Variants in PTPRA observed in about 807,000 individuals in gnomAD.
PTPRA encodes receptor-type tyrosine-protein phosphatase alpha.
A neutral mutation model predicts 104.8 loss-of-function variants in PTPRA; 25 were observed. The observed-to-expected ratio is 0.24, with a 90% CI of 0.17 to 0.33. PTPRA has a LOEUF of 0.33. PTPRA is among the 10% of genes least tolerant of loss of function. The pLI, the probability that PTPRA is intolerant of heterozygous loss-of-function variation, is 1.00. For synonymous variants in PTPRA, 323 were observed against 368.9 expected, an observed-to-expected ratio of 0.88 and a Z score of 1.43; for missense variants, 765 against 1,015.3, an observed-to-expected ratio of 0.75 and a Z score of 3.35.
chr20:2,871,839 AGT>A (rs1328315090), upstream of PTPRA, among the ~76,000 whole-genome samples: 2 of 152,094 alleles, frequency 1.3e-5, no homozygotes, highest in African/African-American at 4.8e-5. Context: ...TTTGGGCTGG[AGT>A]GTCTATTGGT....
intron 1 of PTPRA, among the ~76,000 whole-genome samples, chr20:2,883,730 T>C (rs2090206396): frequency 6.6e-6 from 1 of 151,602 alleles, no homozygotes; most frequent in Admixed American, 6.6e-5. Context: ...TTTTTTTACA[T>C]GTAATCATTA....
At chr20:2,935,684 A>G (rs561736508) in intron 2 of PTPRA, among the ~76,000 whole-genome samples, 1 of 152,172 alleles carries the variant, frequency 6.6e-6, no homozygotes, top group African/African-American at 2.4e-5. Context: ...CTTCGCTACT[A>G]CAGGCACATG....
At chr20:3,007,094 C>CT (rs2063911695) in intron 10 of PTPRA, among the ~76,000 whole-genome samples, 1 of 152,134 alleles carries the variant, frequency 6.6e-6, no homozygotes, top group African/African-American at 2.4e-5. Context: ...AAGAAACTTT[C>CT]TTTTTTCTCA....
intron 2 of PTPRA, among the ~76,000 whole-genome samples, chr20:2,924,992 C>T (rs1600120549): frequency 6.6e-6 from 1 of 152,076 alleles, no homozygotes; most frequent in Admixed American, 6.6e-5. Context: ...AAAGGTTTTA[C>T]ATCTTAATGT....
intron 2 of PTPRA, among the ~76,000 whole-genome samples, chr20:2,941,443 C>T (rs1012848059): frequency 3.3e-5 from 5 of 152,216 alleles, no homozygotes; most frequent in African/African-American, 4.8e-5. Context: ...TATTATCACA[C>T]CCTGTGCAGT....
intron 6 of PTPRA, among the ~76,000 whole-genome samples, chr20:2,983,016 T>C (rs2062753098): frequency 6.6e-6 from 1 of 152,124 alleles, no homozygotes; most frequent in Non-Finnish European, 1.5e-5. Context: ...TAAAATGAAG[T>C]ACACACTGTG....
chr20:2,931,976 C>T (rs190421898), intron 2 of PTPRA, among the ~76,000 whole-genome samples: 82 of 152,260 alleles, frequency 5.4e-4, no homozygotes, highest in Admixed American at 3.1e-3. Flanking sequence ...ATGAACACAT[C>T]AACTTGAGAA....
chr20:2,921,728 A>C (rs554116781), intron 1 of PTPRA, among the ~76,000 whole-genome samples: 36 of 152,200 alleles, frequency 2.4e-4, no homozygotes, highest in African/African-American at 8.7e-4. Flanking sequence ...AATGCCTGTG[A>C]AGAAAAGGGG....
chr20:2,998,954 TTAA>T (rs1448758435), intron 9 of PTPRA, among the ~76,000 whole-genome samples: 9 of 136,996 alleles, frequency 6.6e-5, no homozygotes, highest in African/African-American at 1.7e-4. Context: ...ATATTTATAA[TTAA>T]TAAATATGAC....
intron 5 of PTPRA, among the ~76,000 whole-genome samples, chr20:2,966,279 T>C (rs1180159156): frequency 6.6e-6 from 1 of 152,208 alleles, no homozygotes; most frequent in Non-Finnish European, 1.5e-5. Flanking sequence ...ACCAGCCATG[T>C]TTATGGCATA....
chr20:2,983,873 C>T (rs1293716570), intron 6 of PTPRA, among the ~76,000 whole-genome samples: 1 of 151,950 alleles, frequency 6.6e-6, no homozygotes, highest in Non-Finnish European at 1.5e-5. Context: ...GAATTGCTAG[C>T]ATGGCATTTA....
the PTPRA span, chr20:2,864,801 G>A: frequency 6.1e-6 from 7 of 1,151,564 alleles, no homozygotes; most frequent in South Asian, 1.4e-5. This position sits in a 1 kb window ranked among gnomAD's most constrained non-coding sequence, Gnocchi z 5.2. Context: ...AGGCCAGGAT[G>A]GGGGTTAGTG....
In PTPRA at chr20:2,888,787, A is replaced by T. The variant is rs567152552; in HGVS notation, c.-129+15027A>T. Among the ~76,000 whole-genome samples the T allele has an allele frequency of 9.8e-5, 15 of 152,316 alleles. No homozygotes were observed. In the East Asian group the frequency reaches 2.3e-3, roughly 23 times the overall value. ...ACTTGTGAAACCATGCTGAAATACTACATGCTCATAAAATGTAAGTTACTT... is the reference window on the plus strand; with the variant it reads ...ACTTGTGAAACCATGCTGAAATACTTCATGCTCATAAAATGTAAGTTACTT... On this transcript the variant is annotated intron_variant, in intron 1 of 23. Coordinates refer to ENST00000399903, the MANE Select transcript of PTPRA (RefSeq NM_001385305.1).
At chr20:2,902,968 G>A (rs2059292073) in intron 1 of PTPRA, among the ~76,000 whole-genome samples, 1 of 151,906 alleles carries the variant, frequency 6.6e-6, no homozygotes, top group Admixed American at 6.6e-5. Flanking sequence ...GCTACTTTTT[G>A]GGTACGTAAC....
chr20:2,918,287 A>G (rs1236572645), intron 1 of PTPRA, among the ~76,000 whole-genome samples: 2 of 152,100 alleles, frequency 1.3e-5, no homozygotes, highest in Admixed American at 6.5e-5. Flanking sequence ...GTAGCTGGGC[A>G]TTACAGGCAC....
At chr20:3,024,649 A>G (rs766974973) in intron 17 of PTPRA, 28 bp downstream of exon 17, 10 of 1,612,224 alleles carry the variant, frequency 6.2e-6, no homozygotes, top group African/African-American at 1.3e-5. Flanking sequence ...AACCTCCTTC[A>G]GATTGAAGGA....
At chr20:3,000,312 C>T (rs778541688) in intron 9 of PTPRA, among the ~76,000 whole-genome samples, 3 of 151,986 alleles carry the variant, frequency 2.0e-5, no homozygotes, top group Non-Finnish European at 2.9e-5. Flanking sequence ...AGTAGGACAA[C>T]GGGGAAACCA....
chr20:2,981,941 A>C (rs1446000380), intron 6 of PTPRA, among the ~76,000 whole-genome samples: 2 of 152,142 alleles, frequency 1.3e-5, no homozygotes, highest in African/African-American at 4.8e-5. Flanking sequence ...TACATATGCC[A>C]CCGTTTGCTG....
chr20:2,876,221 C>G (rs957590478), intron 1 of PTPRA, among the ~76,000 whole-genome samples: 4 of 152,188 alleles, frequency 2.6e-5, no homozygotes, highest in African/African-American at 9.7e-5. Flanking sequence ...GAATCCTGCT[C>G]AATTTTGGGA....
Sources: allele counts gnomAD v4.1 joint callset (sites outside exome capture counted in the v4.1 genomes callset), GRCh38; gene constraint gnomAD v4.1.1; non-coding constraint Gnocchi (gnomAD v3.1); transcripts MANE v1.5; gene names NCBI Gene and HGNC (gene_info 2026-07-23, HGNC 2026-07-21).